TPCN2: variants seen among roughly 807,000 people sequenced by gnomAD.
TPCN2 encodes the protein two pore channel protein 2.
Under a neutral mutation model 111.4 loss-of-function variants are expected in TPCN2, and 92 were observed. The ratio of observed to expected loss-of-function variants is 0.83; its 90% confidence interval spans 0.70 to 0.98. The LOEUF is 0.98. Among genes scored for constraint, TPCN2 ranks in the 50% least tolerant of loss-of-function variants. The probability of loss-of-function intolerance (pLI) is 0.00; values close to 1 mark genes in which losing one functional copy is unlikely to be tolerated. For missense variants in TPCN2, 995 were observed against 980.1 expected, an observed-to-expected ratio of 1.02 and a Z score of -0.20; for synonymous variants, 405 against 414.5, an observed-to-expected ratio of 0.98 and a Z score of 0.28.
intron 10 of TPCN2, 78 bp downstream of exon 10, chr11:69,071,498 G>A (rs1855533955): frequency 1.5e-6 from 2 of 1,328,586 alleles, no homozygotes; most frequent in Admixed American, 1.9e-5. Flanking sequence ...ATGAGCAGCT[G>A]GGTGACCCTT....
chr11:69,078,726 C>A lies in TPCN2; in HGVS notation c.1351-8C>A. 1 of 1,613,874 alleles carries A rather than the reference C, an allele frequency of 6.2e-7. No individual in the cohort carries two copies. On this transcript the variant is annotated splice_polypyrimidine_tract_variant and splice_region_variant and intron_variant, in intron 14 of 24. Coordinates refer to ENST00000294309, the MANE Select transcript of TPCN2 (RefSeq NM_139075.4). ...CCAGCCGGCGAGCCCTCTGTTCTGG[C>A]GTTGCAGGTGTTCCTGGTGCTGGAT...
rs1475494963 is a variant in TPCN2 at position 69,072,930 on chromosome 11, G to T, written c.1159G>T (p.Gly387Cys). ...TCCTGTGCAGAAGGTGCGTTCCTAT[G>T]GCAGTGTTCTGCTCTCAGCTGAGGA... ...QAMMEKVRSYGSVLLSAEEFQ... is the reference protein window; with the variant it reads ...QAMMEKVRSYCSVLLSAEEFQ... The change falls in exon 13 of 25, where the codon GGC becomes TGC. Residue 387 changes from glycine to cysteine, a missense_variant. Coordinates refer to ENST00000294309, the MANE Select transcript of TPCN2 (RefSeq NM_139075.4). 1.9e-6 allele frequency: 3 copies of T among 1,613,390 alleles called. No individual in the cohort carries two copies. In the East Asian group the frequency reaches 6.7e-5, roughly 36 times the overall value.
In TPCN2 at chr11:69,058,323, G is replaced by C. The variant is rs75935100; in HGVS notation, c.546+629G>C. ...CTCCGAGAAACCAACAGTGAAAGGA[G>C]CCCAGTGGAACCCAGAACCACCGGG... On this transcript the variant is annotated intron_variant, in intron 5 of 24. Transcript: ENST00000294309. 4.9e-3 allele frequency among the ~76,000 whole-genome samples: 752 copies of C among 152,314 alleles called. 5 individuals are homozygous for C. The highest frequency in any genetic ancestry group is 6.6e-3 in the Non-Finnish European group (446 of 68,014).
intron 5 of TPCN2, among the ~76,000 whole-genome samples, chr11:69,059,348 G>A (rs1330473625): frequency 6.7e-6 from 1 of 149,762 alleles, no homozygotes; most frequent in Non-Finnish European, 1.5e-5. Context: ...CGTGTGTCCC[G>A]GTGGAAGCAT....
chr11:69,064,012 C>G, intron 7 of TPCN2, 45 bp downstream of exon 7: 1 of 1,574,394 alleles, frequency 6.4e-7, no homozygotes, highest in Non-Finnish European at 8.7e-7. Flanking sequence ...CTGCCCTGTG[C>G]TGTGACTAAC....
intron 22 of TPCN2, 25 bp downstream of exon 22, chr11:69,085,955 A>G (rs753185699): frequency 6.2e-7 from 1 of 1,604,608 alleles, no homozygotes; most frequent in Non-Finnish European, 8.5e-7. Flanking sequence ...CCCTGACGGC[A>G]GTGATTCTCC....
rs142616847 is a variant in TPCN2 at position 69,067,574 on chromosome 11, G to A, written c.798G>A (p.Leu266=). The change falls in exon 8 of 25, where the codon CTG becomes CTA. Residue 266 remains leucine, a synonymous_variant. Transcript: ENST00000294309. ...TGCCTGAGTCTCTGACTTCCCTCCTGGTGCTGCTGACCACGGCCAACAACC... is the reference window on the plus strand; with the variant it reads ...TGCCTGAGTCTCTGACTTCCCTCCTAGTGCTGCTGACCACGGCCAACAACC... ...QNLPESLTSL[L]VLLTTANNPD... is the part of the protein sequence containing the mutation. 228 of 1,614,042 alleles carry A rather than the reference G, an allele frequency of 1.4e-4. 1 individual carries two copies. The African/African-American group carries it at 2.7e-3, about 19-fold the overall frequency.
At chr11:69,054,214 G>C in intron 2 of TPCN2, 117 bp downstream of exon 2, 2 of 796,868 alleles carry the variant, frequency 2.5e-6, no homozygotes, top group Non-Finnish European at 4.1e-6. Flanking sequence ...TGTAGGTTAA[G>C]AGAACTGAGG....
chr11:69,070,438 C>A lies in TPCN2; in HGVS notation c.838C>A (p.Pro280Thr), dbSNP rs759083150. ...TTTCTTTTTTCTTTTAGTGATGATT[C>A]CTGCGTATTCCAAGAACCGGGCCTA... is the stretch of plus-strand genomic sequence containing the variant. Reference protein sequence around the residue: ...TTANNPDVMIPAYSKNRAYAI... With the variant: ...TTANNPDVMITAYSKNRAYAI... The change falls in exon 9 of 25, where the codon CCT (proline) becomes ACT (threonine). Residue 280 changes from proline to threonine, a missense_variant. Pro to Thr is a conservative substitution (Grantham distance 38). Transcript: ENST00000294309. 6.2e-7 allele frequency: 1 copy of A among 1,612,124 alleles called. No homozygotes were observed. Among genetic ancestry groups the A allele is most frequent in the South Asian group, 1.1e-5 (1 of 91,040 alleles).
intron 8 of TPCN2, among the ~76,000 whole-genome samples, chr11:69,069,158 G>A (rs1296906533): frequency 2.1e-5 from 3 of 140,724 alleles, no homozygotes; most frequent in African/African-American, 5.4e-5. Flanking sequence ...GGAAGTGACC[G>A]CAGTGGGAGC....
chr11:69,055,395 C>T (rs1231440801), intron 4 of TPCN2, 43 bp downstream of exon 4: 1 of 1,531,270 alleles, frequency 6.5e-7, no homozygotes, highest in Non-Finnish European at 8.8e-7. Flanking sequence ...CCCGGCCTCC[C>T]AGCGCCTGGC....
At chr11:69,071,136 C>T (rs1855516931) in intron 9 of TPCN2, among the ~76,000 whole-genome samples, 1 of 151,294 alleles carries the variant, frequency 6.6e-6, no homozygotes, top group African/African-American at 2.4e-5. Flanking sequence ...CCAGGGATCC[C>T]CCACCAACAG....
At chr11:69,057,264 G>T (rs1224981535) in intron 4 of TPCN2, among the ~76,000 whole-genome samples, 1 of 152,262 alleles carries the variant, frequency 6.6e-6, no homozygotes, top group Non-Finnish European at 1.5e-5. Flanking sequence ...GCCTTTTCCA[G>T]AGTGCATTCC....
chr11:69,087,104 C>T lies in TPCN2; in HGVS notation c.2086-8C>T, dbSNP rs749471895. On this transcript the variant is annotated splice_polypyrimidine_tract_variant and splice_region_variant and intron_variant, in intron 23 of 24. Coordinates refer to ENST00000294309, the MANE Select transcript of TPCN2 (RefSeq NM_139075.4). ...CCACACTCACTGGCCACTCCTCCTG[C>T]TTGCCAGAACTTCCTTCACAAGTGG... 3.1e-6 allele frequency: 5 copies of T among 1,613,214 alleles called. No homozygotes were observed. Among genetic ancestry groups the T allele is most frequent in the South Asian group, 1.1e-5 (1 of 91,028 alleles).
chr11:69,087,505 G>A (rs1056613234), intron 24 of TPCN2, among the ~76,000 whole-genome samples: 8 of 152,170 alleles, frequency 5.3e-5, no homozygotes, highest in African/African-American at 1.9e-4. Context: ...AGGGACCTGA[G>A]GAAAACGCAC....
At chr11:69,054,150 T>C in intron 2 of TPCN2, 53 bp downstream of exon 2, 1 of 1,508,276 alleles carries the variant, frequency 6.6e-7, no homozygotes, top group Non-Finnish European at 9.1e-7. Context: ...CGCCCTCCGA[T>C]TGGCTCGCCC....
In TPCN2 at chr11:69,081,508, C is replaced by T. The variant is rs762508824; in HGVS notation, c.1689+9C>T. ...TCATCCCCAGCATGAAGGTGTGTGC[C>T]GGCCCCACCCCCACTCGCCCCACCC... On this transcript the variant is annotated intron_variant, in intron 18 of 24. Coordinates refer to ENST00000294309, the MANE Select transcript of TPCN2 (RefSeq NM_139075.4). 60 of 1,540,804 alleles carry T rather than the reference C, an allele frequency of 3.9e-5. No individual in the cohort carries two copies. Among genetic ancestry groups the T allele is most frequent in the Middle Eastern group, 1.7e-4 (1 of 5,952 alleles).
At chr11:69,077,061 T>C (rs113149804) in intron 13 of TPCN2, among the ~76,000 whole-genome samples, 2,250 of 25,510 alleles carry the variant, frequency 0.088, no homozygotes, top group Admixed American at 0.11. Context: ...CCTCGTGCCA[T>C]GTCCCTCCAC....
At chr11:69,085,343 G>GGGGA in intron 20 of TPCN2, 57 bp downstream of exon 20, 3 of 581,858 alleles carry the variant, frequency 5.2e-6, no homozygotes, top group East Asian at 4.3e-5. Flanking sequence ...GGGTGGGCGG[G>GGGGA]AAGCCTTGGC....
Sources: allele counts gnomAD v4.1 joint callset (sites outside exome capture counted in the v4.1 genomes callset), GRCh38; gene constraint gnomAD v4.1.1; transcripts MANE v1.5; gene names NCBI Gene and HGNC (gene_info 2026-07-23, HGNC 2026-07-21).